NCOA6: variants seen among roughly 807,000 people sequenced by gnomAD.
NCOA6 encodes NRC RAP250.
In NCOA6, 49 loss-of-function variants were observed where a neutral mutation model predicts 171.4. The observed-to-expected ratio is 0.29, with a 90% CI of 0.23 to 0.36. The LOEUF (loss-of-function observed/expected upper bound fraction) is 0.36. NCOA6 is among the 10% of genes least tolerant of loss of function. The pLI is 1.00. For missense variants in NCOA6, 2,248 were observed against 2,554.5 expected, an observed-to-expected ratio of 0.88 and a Z score of 2.59; for synonymous variants, 910 against 927.5, an observed-to-expected ratio of 0.98 and a Z score of 0.34.
intron 5 of NCOA6, among the ~76,000 whole-genome samples, chr20:34,762,074 C>A (rs149843229): frequency 6.6e-6 from 1 of 152,278 alleles, no homozygotes; most frequent in East Asian, 1.9e-4. Flanking sequence ...TGTATTAAAT[C>A]TCCCCTAAGG....
At chr20:34,809,327 C>A (rs2078574900) in intron 1 of NCOA6, 1 of 394,330 alleles carries the variant, frequency 2.5e-6, no homozygotes, top group Admixed American at 4.4e-5. Flanking sequence ...AAGTAAAATA[C>A]CCTATGGACA....
chr20:34,757,935 C>CTGCTGCTGT lies in NCOA6; in HGVS notation c.804_812dup (p.Gln283_Gln285dup), dbSNP rs747481290. ...GCTGTTGTTGCTGCTGCTGCTGCTG[C>CTGCTGCTGT]TGCTGCTGTTGTTGTTGTTGCTGCT... On this transcript the variant is annotated inframe_insertion, in exon 7 of 15. Coordinates refer to ENST00000359003, the MANE Select transcript of NCOA6 (RefSeq NM_014071.5). 6.2e-7 allele frequency: 1 copy of CTGCTGCTGT among 1,613,454 alleles called. No homozygotes were observed. Among genetic ancestry groups the CTGCTGCTGT allele is most frequent in the Admixed American group, 1.7e-5 (1 of 59,958 alleles).
chr20:34,741,317 C>G lies in NCOA6; in HGVS notation c.4939G>C (p.Ala1647Pro), dbSNP rs769094280. 3 of 1,614,202 alleles carry G rather than the reference C, an allele frequency of 1.9e-6. No individual in the cohort carries two copies. The South Asian group carries it at 3.3e-5, about 18-fold the overall frequency. Residue 1647 changes from alanine (A) to proline (P), a missense_variant, in exon 11 of 15, where the codon GCT becomes CCT. Transcript: ENST00000359003. The part of the protein sequence containing the change: ...KVMVSEGQSA[A>P]QSNARPQFIT... ...AACTGAGGCCGGGCATTAGACTGAG[C>G]AGCTGACTGTCCCTCAGAAACCATA...
chr20:34,740,084 A>G (rs1056264243), intron 11 of NCOA6, among the ~76,000 whole-genome samples: 2 of 152,110 alleles, frequency 1.3e-5, no homozygotes, highest in Non-Finnish European at 2.9e-5. Context: ...GCTGGTCTCG[A>G]ATTCCTGACC....
At chr20:34,799,995 A>G (rs556076469) in intron 1 of NCOA6, among the ~76,000 whole-genome samples, 32 of 152,226 alleles carry the variant, frequency 2.1e-4, no homozygotes, top group Non-Finnish European at 4.1e-4. Context: ...TATCTCAAGT[A>G]GAAAGACTAA....
At chr20:34,781,138 C>T (rs2077505082) in intron 3 of NCOA6, among the ~76,000 whole-genome samples, 1 of 152,074 alleles carries the variant, frequency 6.6e-6, no homozygotes, top group South Asian at 2.1e-4. Flanking sequence ...TAATTGTATG[C>T]TAAATAACGC....
At chr20:34,772,791 A>G (rs546165500) in intron 4 of NCOA6, among the ~76,000 whole-genome samples, 6 of 152,286 alleles carry the variant, frequency 3.9e-5, no homozygotes, top group African/African-American at 1.4e-4. Flanking sequence ...ATACGAATAT[A>G]CACTCTCATT....
intron 1 of NCOA6, among the ~76,000 whole-genome samples, chr20:34,807,065 A>T (rs2425001): frequency 0.51 from 76,971 of 151,920 alleles, 19,999 homozygotes; most frequent in South Asian, 0.69. Context: ...CGGACTATGG[A>T]AAATGTGATA....
At chr20:34,723,549 C>A (rs1989623039) in intron 14 of NCOA6, among the ~76,000 whole-genome samples, 1 of 152,142 alleles carries the variant, frequency 6.6e-6, no homozygotes, top group African/African-American at 2.4e-5. Flanking sequence ...ACACTTAGCA[C>A]CCCTCCATGC....
At chr20:34,823,448 T>C (rs2079064312) in intron 1 of NCOA6, among the ~76,000 whole-genome samples, 2 of 152,252 alleles carry the variant, frequency 1.3e-5, no homozygotes, top group Non-Finnish European at 2.9e-5. Context: ...TTTTATTTTA[T>C]ATATGCCCGC....
At position 34,727,244 on chromosome 20, in the gene NCOA6, C is replaced by A. The variant is rs748337892; in HGVS notation, c.6148+15G>T. On this transcript the variant is annotated intron_variant, in intron 14 of 14. Coordinates refer to ENST00000359003, the MANE Select transcript of NCOA6 (RefSeq NM_014071.5). ...CTATTTGACCCACAAATAGCACCCA[C>A]ATCCCACTGCTAACCTTTAGTAGAG... The A allele has an allele frequency of 1.9e-6, 3 of 1,612,762 alleles. No individual in the cohort carries two copies. The highest frequency in any genetic ancestry group is 1.7e-5 in the Admixed American group (1 of 59,924).
Position 34,732,576 on chromosome 20 carries a change from G to C in NCOA6, c.5982C>G (p.Ala1994=), listed in dbSNP as rs376562008. Residue 1994 remains alanine, a synonymous_variant, in exon 13 of 15, where the codon GCC becomes GCG. Coordinates refer to ENST00000359003, the MANE Select transcript of NCOA6 (RefSeq NM_014071.5). ...CATCTTACCTTTGTCCAGAGACTAT[G>C]GCAGCATTTACCTCCAGCTCTGCAA... is the stretch of plus-strand genomic sequence containing the variant. The part of the protein sequence containing the change: ...VARPELEVNA[A]IVSGQSSEPK... The C allele has an allele frequency of 2.1e-5, 34 of 1,613,742 alleles. No individual in the cohort carries two copies. The African/African-American group carries it at 4.5e-4, about 22-fold the overall frequency.
In NCOA6 at chr20:34,740,484, G is replaced by C; in HGVS notation, c.5772C>G (p.Ser1924=). The C allele has an allele frequency of 6.2e-7, 1 of 1,614,188 alleles. No homozygotes were observed. Among genetic ancestry groups the C allele is most frequent in the South Asian group, 1.1e-5 (1 of 91,078 alleles). Residue 1924 remains serine, a synonymous_variant, in exon 11 of 15, where the codon TCC becomes TCG. Coordinates refer to ENST00000359003, the MANE Select transcript of NCOA6 (RefSeq NM_014071.5). ...VRSIVTTLVP[S]ELISAVPTTK... is the part of the protein sequence containing the mutation. ...TGGTCGGTACGGCGGAGATGAGCTC[G>C]GAGGGTACCAGAGTGGTTACTATCG...
chr20:34,778,921 T>G (rs534336403), intron 3 of NCOA6, among the ~76,000 whole-genome samples: 7 of 137,572 alleles, frequency 5.1e-5, no homozygotes, highest in Non-Finnish European at 1.1e-4. Context: ...ATCGCACCAC[T>G]GCACTCCAGC....
intron 14 of NCOA6, among the ~76,000 whole-genome samples, chr20:34,723,700 TCCCCAACACC>T (rs1189889398): frequency 6.6e-6 from 1 of 152,136 alleles, no homozygotes; most frequent in Non-Finnish European, 1.5e-5. Context: ...TTATTCCCCA[TCCCCAACACC>T]CCTTAAAAAC....
chr20:34,781,146 C>T (rs181177785), intron 3 of NCOA6, among the ~76,000 whole-genome samples: 2 of 152,154 alleles, frequency 1.3e-5, no homozygotes, highest in East Asian at 1.9e-4. Context: ...TGCTAAATAA[C>T]GCATAACTAT....
rs749154297 is a variant in NCOA6 at position 34,749,949 on chromosome 20, G to C, written c.2246C>G (p.Pro749Arg). The part of the protein sequence containing the change: ...GPAQIMRGPT[P>R]NMQGNMVQFT... The stretch of plus-strand genomic sequence containing the variant: ...CTGCACCATATTTCCTTGCATGTTT[G>C]GAGTTGGTCCCCTCATTATCTGGGC... The change falls in exon 9 of 15, where the codon CCA becomes CGA. Residue 749 changes from proline to arginine, a missense_variant. Coordinates refer to ENST00000359003, the MANE Select transcript of NCOA6 (RefSeq NM_014071.5). 1 of 1,614,132 alleles carries C rather than the reference G, an allele frequency of 6.2e-7. No homozygotes were observed. The highest frequency in any genetic ancestry group is 1.1e-5 in the South Asian group (1 of 91,084).
intron 12 of NCOA6, among the ~76,000 whole-genome samples, chr20:34,736,443 G>A (rs1374002598): frequency 2.0e-5 from 3 of 152,162 alleles, no homozygotes; most frequent in Admixed American, 1.3e-4. Flanking sequence ...CAATGGGCAC[G>A]GAATTGCCCT....
In NCOA6 at chr20:34,741,961, C is replaced by T. The variant is rs2076157578; in HGVS notation, c.4295G>A (p.Ser1432Asn). ...TTCAATGTTTACCTGTTCCTTCCTACTCTGGGAATTCTGGCAATCACTGTC... is the reference window on the plus strand; with the variant it reads ...TTCAATGTTTACCTGTTCCTTCCTATTCTGGGAATTCTGGCAATCACTGTC... ...PQDSDCQNSQ[S>N]RKEQVNIELK... is the part of the protein sequence containing the mutation. The change falls in exon 11 of 15, where the codon AGT (serine) becomes AAT (asparagine). Residue 1432 changes from serine to asparagine, a missense_variant. By Grantham distance (46) the Ser-to-Asn change is conservative. Coordinates refer to ENST00000359003, the MANE Select transcript of NCOA6 (RefSeq NM_014071.5). 1 of 1,614,072 alleles carries T rather than the reference C, an allele frequency of 6.2e-7. No individual in the cohort carries two copies. The highest frequency in any genetic ancestry group is 1.3e-5 in the African/African-American group (1 of 74,934).
Sources: allele counts gnomAD v4.1 joint callset (sites outside exome capture counted in the v4.1 genomes callset), GRCh38; gene constraint gnomAD v4.1.1; transcripts MANE v1.5; gene names NCBI Gene and HGNC (gene_info 2026-07-23, HGNC 2026-07-21).